The following ROBO1 variants were observed in gnomAD, a reference collection of about 807,000 sequenced individuals.
ROBO1 encodes roundabout guidance receptor 1, also known as roundabout homolog 1.
In ROBO1, 149 loss-of-function variants were observed where a neutral mutation model predicts 195.9. The ratio of observed to expected loss-of-function variants is 0.76; its 90% CI spans 0.67 to 0.87. The LOEUF (loss-of-function observed/expected upper bound fraction) is 0.87. Ranked by LOEUF, ROBO1 falls within the 40% of genes least tolerant of loss-of-function variation. The pLI, the probability that ROBO1 is intolerant of heterozygous loss-of-function variation, is 0.00. For missense variants in ROBO1, 1,933 were observed against 2,068.3 expected, an observed-to-expected ratio of 0.93 and a Z score of 1.27; for synonymous variants, 816 against 733.2, an observed-to-expected ratio of 1.11 and a Z score of -1.82.
intron 4 of ROBO1, among the ~76,000 whole-genome samples, chr3:78,751,813 T>C (rs2082803780): frequency 6.6e-6 from 1 of 152,128 alleles, no homozygotes; most frequent in Admixed American, 6.6e-5. Flanking sequence ...CCTTTTATAT[T>C]TCAACCAGAA....
intron 2 of ROBO1, among the ~76,000 whole-genome samples, chr3:79,325,577 C>T (rs1053837065): frequency 2.0e-5 from 3 of 152,110 alleles, no homozygotes; most frequent in South Asian, 2.1e-4. Flanking sequence ...GGCAGAAGAA[C>T]GTGGATTGTG....
intron 3 of ROBO1, among the ~76,000 whole-genome samples, chr3:79,106,161 T>C (rs1016586179): frequency 3.3e-5 from 5 of 151,740 alleles, no homozygotes; most frequent in Non-Finnish European, 7.4e-5. Flanking sequence ...AAGCAAATTG[T>C]CTGCTTTAAA....
At chr3:79,084,780 T>G (rs532231756) in intron 3 of ROBO1, among the ~76,000 whole-genome samples, 1 of 152,224 alleles carries the variant, frequency 6.6e-6, no homozygotes, top group South Asian at 2.1e-4. Flanking sequence ...GAAAACATGT[T>G]CAGGTCCCAA....
chr3:79,108,954 TAAG>T (rs2108527878), intron 3 of ROBO1, among the ~76,000 whole-genome samples: 1 of 152,066 alleles, frequency 6.6e-6, no homozygotes, highest in South Asian at 2.1e-4. Context: ...AATCAAATAA[TAAG>T]TATTTTATGC....
chr3:78,717,355 T>C lies in ROBO1; in HGVS notation c.837A>G (p.Ala279=). The C allele has an allele frequency of 6.2e-7, 1 of 1,613,522 alleles. No individual in the cohort carries two copies. Among genetic ancestry groups the C allele is most frequent in the Non-Finnish European group, 8.5e-7 (1 of 1,179,642 alleles). Residue 279 remains alanine (A), a synonymous_variant, in exon 7 of 31, where the codon GCA becomes GCG. Transcript: ENST00000464233. ...SNLAVTVDDS[A]EFKCEARGDP... is the part of the protein sequence containing the mutation. ...CACCTCGGGCCTCACATTTAAATTCTGCACTGTCATCCACAGTTACTGCCA... is the reference window on the plus strand; with the variant it reads ...CACCTCGGGCCTCACATTTAAATTCCGCACTGTCATCCACAGTTACTGCCA...
intron 8 of ROBO1, among the ~76,000 whole-genome samples, chr3:78,707,955 ATGGT>A (rs1417626984): frequency 6.6e-6 from 1 of 152,284 alleles, no homozygotes; most frequent in South Asian, 2.1e-4. Flanking sequence ...GGCTTGGGAA[ATGGT>A]TGGTCTGTTT....
rs531577922 is a variant in ROBO1 at position 79,141,974 on chromosome 3, T to G, written c.89-16435A>C. Among the ~76,000 whole-genome samples, 417 of 152,122 alleles carry G rather than the reference T, an allele frequency of 2.7e-3. 4 individuals are homozygous for G. The highest frequency in any genetic ancestry group is 0.016 in the Admixed American group (237 of 15,258). Reference sequence around the variant, plus strand: ...TGGATTCTCAGACTGACATTTGTGGTTTTTTTTGTGGGGATATCTGCCAGC... The same window carrying G: ...TGGATTCTCAGACTGACATTTGTGGGTTTTTTTGTGGGGATATCTGCCAGC... On this transcript the variant is annotated intron_variant, in intron 2 of 30. Transcript: ENST00000464233.
At chr3:79,012,030 CAT>C (rs1249397454) in intron 3 of ROBO1, among the ~76,000 whole-genome samples, 2 of 152,134 alleles carry the variant, frequency 1.3e-5, no homozygotes, top group South Asian at 2.1e-4. Context: ...GTCCTGTACA[CAT>C]GAGTTGAATT....
At chr3:78,819,084 C>T (rs923921373) in intron 4 of ROBO1, among the ~76,000 whole-genome samples, 2 of 152,034 alleles carry the variant, frequency 1.3e-5, no homozygotes, top group Non-Finnish European at 2.9e-5. Flanking sequence ...CATATCGCCC[C>T]GTGGACAACA....
intron 2 of ROBO1, among the ~76,000 whole-genome samples, chr3:79,301,542 G>GT (rs2032956865): frequency 6.6e-6 from 1 of 152,186 alleles, no homozygotes. Context: ...TTCAACCTCT[G>GT]TAGGAGTCTT....
intron 2 of ROBO1, among the ~76,000 whole-genome samples, chr3:79,389,215 AAACCT>A (rs1294639389): frequency 6.6e-6 from 1 of 152,044 alleles, no homozygotes; most frequent in Non-Finnish European, 1.5e-5. Flanking sequence ...AGTAAGAAAC[AAACCT>A]AACTACACAT....
At chr3:78,960,776 TAAAACACACACACACA>T in intron 3 of ROBO1, among the ~76,000 whole-genome samples, 1 of 102,380 alleles carries the variant, frequency 9.8e-6, no homozygotes, top group Middle Eastern at 6.3e-3. Context: ...GACTCCGTAT[TAAAACACACACACACA>T]CACACACACA....
At chr3:78,996,688 A>G (rs965081088) in intron 3 of ROBO1, among the ~76,000 whole-genome samples, 2 of 152,104 alleles carry the variant, frequency 1.3e-5, no homozygotes, top group Non-Finnish European at 2.9e-5. Flanking sequence ...CCACACAAAC[A>G]CACACATGCA....
chr3:78,728,225 G>A (rs957537927), intron 5 of ROBO1, among the ~76,000 whole-genome samples: 4 of 152,118 alleles, frequency 2.6e-5, no homozygotes, highest in African/African-American at 9.7e-5. Context: ...AGGAAAAGGA[G>A]GAAGGAGAAA....
chr3:79,557,762 A>ATTTTTTTT (rs1942762934), intron 2 of ROBO1, among the ~76,000 whole-genome samples: 3 of 131,882 alleles, frequency 2.3e-5, no homozygotes, highest in African/African-American at 3.2e-5. Context: ...ATATATATAT[A>ATTTTTTTT]TATTTTATTG....
At chr3:79,492,023 A>G (rs1939484516) in intron 2 of ROBO1, among the ~76,000 whole-genome samples, 1 of 152,132 alleles carries the variant, frequency 6.6e-6, no homozygotes, top group Admixed American at 6.5e-5. Context: ...GTTGTAACTT[A>G]CATTTGAGGT....
chr3:79,470,175 T>C (rs949284683), intron 2 of ROBO1, among the ~76,000 whole-genome samples: 1 of 152,130 alleles, frequency 6.6e-6, no homozygotes, highest in Admixed American at 6.6e-5. Context: ...GTCCATCTAT[T>C]ATAGACTGGA....
At chr3:79,530,150 A>T (rs1314999744) in intron 2 of ROBO1, among the ~76,000 whole-genome samples, 3 of 152,194 alleles carry the variant, frequency 2.0e-5, no homozygotes, top group East Asian at 3.9e-4. Flanking sequence ...AAAATAATAT[A>T]GTAATCTTCA....
At chr3:78,901,779 T>A (rs1045643100) in intron 4 of ROBO1, among the ~76,000 whole-genome samples, 1 of 152,174 alleles carries the variant, frequency 6.6e-6, no homozygotes, top group African/African-American at 2.4e-5. Flanking sequence ...ATAGGTAGAT[T>A]AGACCCCATC....
Sources: allele counts gnomAD v4.1 joint callset (sites outside exome capture counted in the v4.1 genomes callset), GRCh38; gene constraint gnomAD v4.1.1; transcripts MANE v1.5; gene names NCBI Gene and HGNC (gene_info 2026-07-23, HGNC 2026-07-21).